PDZD2: variants seen among roughly 807,000 people sequenced by gnomAD.
The protein encoded by PDZD2 is PDZ domain containing 2.
A neutral mutation model predicts 220.7 loss-of-function variants in PDZD2; 90 were observed. That is an observed-to-expected ratio of 0.41 (90% CI 0.34 to 0.49). The LOEUF (loss-of-function observed/expected upper bound fraction) is 0.49. Ranked by LOEUF, PDZD2 falls within the 20% of genes least tolerant of loss-of-function variation. PDZD2 has a pLI of 0.28. For missense variants in PDZD2, 3,174 were observed against 3,608.5 expected (o/e 0.88, Z 3.08); for synonymous variants, 1,375 against 1,450.5 (o/e 0.95, Z 1.18).
At chr5:32,095,171 C>T (rs1743540364) in intron 21 of PDZD2, among the ~76,000 whole-genome samples, 2 of 152,172 alleles carry the variant, frequency 1.3e-5, no homozygotes, top group Non-Finnish European at 2.9e-5. Flanking sequence ...AAAGTATGGC[C>T]AGCATGCCAC....
At chr5:31,664,616 C>T (rs936721961) in intron 1 of PDZD2, among the ~76,000 whole-genome samples, 2 of 152,200 alleles carry the variant, frequency 1.3e-5, no homozygotes, top group Non-Finnish European at 2.9e-5. Context: ...CGGCAGAGAC[C>T]ATCCTAGGAA....
chr5:32,047,686 A>C (rs1205137594), intron 7 of PDZD2, among the ~76,000 whole-genome samples: 2 of 152,262 alleles, frequency 1.3e-5, no homozygotes, highest in Non-Finnish European at 2.9e-5. Context: ...TTCTAGATCT[A>C]AAACTGGAGA....
intron 2 of PDZD2, among the ~76,000 whole-genome samples, chr5:31,910,633 C>T (rs924388216): frequency 3.3e-4 from 42 of 127,834 alleles, no homozygotes; most frequent in Non-Finnish European, 5.9e-4. Flanking sequence ...CCTCGTGATT[C>T]ACCCACCTCG....
At chr5:32,042,092 A>G (rs1756226424) in intron 7 of PDZD2, among the ~76,000 whole-genome samples, 1 of 148,900 alleles carries the variant, frequency 6.7e-6, no homozygotes, top group African/African-American at 2.5e-5. Context: ...TGTCTCTACT[A>G]AAAATACAAA....
At chr5:31,913,481 GA>G (rs562362735) in intron 2 of PDZD2, among the ~76,000 whole-genome samples, 26 of 152,182 alleles carry the variant, frequency 1.7e-4, no homozygotes, top group African/African-American at 6.0e-4. Flanking sequence ...TGAAAAATAC[GA>G]AGGCTAAGAC....
At chr5:32,100,778 C>G (rs1744178810) in intron 23 of PDZD2, 2 of 734,562 alleles carry the variant, frequency 2.7e-6, no homozygotes, top group Admixed American at 4.6e-5. Context: ...GAGAAGTGCA[C>G]AGCCGGTGTG....
intron 6 of PDZD2, among the ~76,000 whole-genome samples, chr5:32,035,102 G>C (rs73751903): frequency 0.031 from 4,647 of 152,140 alleles, 234 homozygotes; most frequent in African/African-American, 0.11. Flanking sequence ...TTTTATTCCT[G>C]TTTCTAACCC....
At chr5:31,860,300 C>T (rs1737570776) in intron 2 of PDZD2, among the ~76,000 whole-genome samples, 1 of 152,112 alleles carries the variant, frequency 6.6e-6, no homozygotes, top group South Asian at 2.1e-4. Context: ...GTCCCTTCCG[C>T]CTCAGTGCAT....
intron 1 of PDZD2, among the ~76,000 whole-genome samples, chr5:31,645,334 T>C (rs1401814225): frequency 1.6e-5 from 1 of 62,958 alleles, no homozygotes; most frequent in African/African-American, 1.4e-4. Flanking sequence ...TCTTGGTCTC[T>C]TTTTTTTTTT....
At chr5:31,990,380 G>A (rs1223545585) in intron 3 of PDZD2, among the ~76,000 whole-genome samples, 3 of 152,212 alleles carry the variant, frequency 2.0e-5, no homozygotes, top group Non-Finnish European at 4.4e-5. Flanking sequence ...CAACATTAGT[G>A]CAGAAGTCCA....
chr5:31,913,052 T>C (rs1036235925), intron 2 of PDZD2, among the ~76,000 whole-genome samples: 30 of 152,174 alleles, frequency 2.0e-4, no homozygotes, highest in African/African-American at 7.2e-4. Context: ...AAAGGAGACT[T>C]GAAGAAAATA....
At chr5:31,971,291 C>T (rs114190687) in intron 2 of PDZD2, among the ~76,000 whole-genome samples, 2,174 of 152,332 alleles carry the variant, frequency 0.014, 47 homozygotes, top group African/African-American at 0.047. Context: ...CTCCATCCTC[C>T]AGAGGGGATA....
At chr5:32,079,116 G>A (rs1055551896) in intron 19 of PDZD2, among the ~76,000 whole-genome samples, 6 of 151,314 alleles carry the variant, frequency 4.0e-5, no homozygotes, top group African/African-American at 1.5e-4. Context: ...AAAAATTAGC[G>A]GGTGTTGTGG....
At chr5:32,021,797 T>A (rs1422223846) in intron 6 of PDZD2, among the ~76,000 whole-genome samples, 1 of 152,252 alleles carries the variant, frequency 6.6e-6, no homozygotes, top group African/African-American at 2.4e-5. Flanking sequence ...GAAACAAATA[T>A]ATCTACTTAG....
intron 10 of PDZD2, among the ~76,000 whole-genome samples, chr5:32,056,550 T>G (rs1739098941): frequency 6.6e-6 from 1 of 152,240 alleles, no homozygotes. Flanking sequence ...AGAAACGAGC[T>G]CTGATAAGTC....
chr5:31,707,277 G>A (rs916588111), intron 1 of PDZD2, among the ~76,000 whole-genome samples: 7 of 151,594 alleles, frequency 4.6e-5, no homozygotes, highest in African/African-American at 7.3e-5. Context: ...TGTTGTGCAC[G>A]TGTACCCTAG....
intron 14 of PDZD2, among the ~76,000 whole-genome samples, chr5:32,064,771 C>A (rs1045041626): frequency 2.6e-5 from 4 of 151,550 alleles, no homozygotes; most frequent in Non-Finnish European, 5.9e-5. Flanking sequence ...AGTTTGAGAC[C>A]AGCCTGGCCA....
At chr5:31,817,965 AT>A (rs368621112) in intron 2 of PDZD2, among the ~76,000 whole-genome samples, 10,480 of 111,978 alleles carry the variant, frequency 0.094, 533 homozygotes, top group Middle Eastern at 0.16. Context: ...CACCTGGCCA[AT>A]TTTTTTTTTT....
rs566955707 is a variant in PDZD2, at chr5:31,698,610, A to G, written c.-361+59173A>G. Among the ~76,000 whole-genome samples, 7 of 151,974 alleles carry G rather than the reference A, an allele frequency of 4.6e-5. No homozygotes were observed. The South Asian group carries it at 1.5e-3, about 32-fold the overall frequency. On this transcript the variant is annotated intron_variant, in intron 1 of 24. Transcript: ENST00000438447. ...CGAGACTCTGTCTCAAAAAAAAAAA[A>G]AAAGAAAAAGAGAAGGCTGGGTGGA...
Sources: gnomAD v4.1 joint callset for allele counts (sites outside exome capture counted in the v4.1 genomes callset) on GRCh38, gnomAD v4.1.1 for gene constraint, MANE v1.5 for transcripts, NCBI Gene and HGNC (gene_info 2026-07-23, HGNC 2026-07-21) for gene names.